The following CTNNA3 variants were observed in gnomAD, a reference collection of about 807,000 sequenced individuals.
CTNNA3 encodes catenin alpha 3, also known as catenin alpha-3.
A neutral mutation model predicts 95.7 loss-of-function variants in CTNNA3; 76 were observed. That is an observed-to-expected ratio of 0.79 (90% CI 0.66 to 0.96). The LOEUF (loss-of-function observed/expected upper bound fraction) is 0.96. CTNNA3 is among the 40% of genes least tolerant of loss of function. The probability of loss-of-function intolerance (pLI) is 0.00; values close to 1 mark genes in which losing one functional copy is unlikely to be tolerated. For missense variants in CTNNA3, 1,191 were observed against 1,089.8 expected (o/e 1.09, Z -1.31); for synonymous variants, 431 against 374.4 (o/e 1.15, Z -1.74).
At chr10:67,238,719 C>A (rs951480335) in intron 5 of CTNNA3, among the ~76,000 whole-genome samples, 1 of 149,798 alleles carries the variant, frequency 6.7e-6, no homozygotes. Flanking sequence ...TGTTAATGGG[C>A]TTCTTTACTT....
rs144548970 is a variant in CTNNA3 at position 66,381,678 on chromosome 10, G to C, written c.1532-2326C>G. ...TTAGATAAATTTAACCCATATTAAGGACATTTAAAGTCACTTATATTAAAA... is the reference window on the plus strand; with the variant it reads ...TTAGATAAATTTAACCCATATTAAGCACATTTAAAGTCACTTATATTAAAA... On this transcript the variant is annotated intron_variant, in intron 11 of 17. Transcript: ENST00000433211. Among the ~76,000 whole-genome samples, 174 of 152,134 alleles carry C rather than the reference G, an allele frequency of 1.1e-3. 1 individual carries two copies. The East Asian group carries it at 0.021, about 18-fold the overall frequency.
intron 10 of CTNNA3, among the ~76,000 whole-genome samples, chr10:66,585,375 C>T (rs1843327163): frequency 6.6e-6 from 1 of 151,756 alleles, no homozygotes; most frequent in South Asian, 2.1e-4. Flanking sequence ...TGAGACTTTC[C>T]TTCTTCTTTT....
At position 66,937,140 on chromosome 10, in the gene CTNNA3, T is replaced by G. The variant is rs535268403; in HGVS notation, c.1048-161616A>C. ...TACAAAGTCTTTCTCCTTAAATTTT[T>G]TTCATGGAGAGACAACTTTGTATAC... On this transcript the variant is annotated intron_variant, in intron 7 of 17. Coordinates refer to ENST00000433211, the MANE Select transcript of CTNNA3 (RefSeq NM_013266.4). 2.0e-5 allele frequency among the ~76,000 whole-genome samples: 3 copies of G among 152,262 alleles called. No homozygotes were observed. In the South Asian group the frequency reaches 6.2e-4, roughly 32 times the overall value.
At chr10:67,258,590 G>A (rs1866455805) in intron 5 of CTNNA3, among the ~76,000 whole-genome samples, 1 of 152,028 alleles carries the variant, frequency 6.6e-6, no homozygotes, top group Non-Finnish European at 1.5e-5. Context: ...ATTGTAGTAA[G>A]AACACAAAAT....
intron 10 of CTNNA3, among the ~76,000 whole-genome samples, chr10:66,529,444 T>G (rs866350227): frequency 2.1e-5 from 2 of 96,716 alleles, no homozygotes; most frequent in Middle Eastern, 4.7e-3. Flanking sequence ...ACAGTGTTTT[T>G]TTTTTGTTTT....
At chr10:66,867,083 G>A (rs182429936) in intron 7 of CTNNA3, among the ~76,000 whole-genome samples, 58 of 152,048 alleles carry the variant, frequency 3.8e-4, no homozygotes, top group African/African-American at 1.3e-3. Flanking sequence ...TGATTGTGAA[G>A]CCTCCCTGGC....
At chr10:66,423,420 C>T (rs574646346) in intron 11 of CTNNA3, among the ~76,000 whole-genome samples, 4 of 152,298 alleles carry the variant, frequency 2.6e-5, no homozygotes, top group East Asian at 1.9e-4. Context: ...AGGAGCATCA[C>T]TGTCTTGGAC....
chr10:67,468,055 A>C (rs1290703742), intron 5 of CTNNA3, among the ~76,000 whole-genome samples: 1 of 151,292 alleles, frequency 6.6e-6, no homozygotes, highest in Non-Finnish European at 1.5e-5. Flanking sequence ...TCAGAGGTAC[A>C]CACGTGGGTT....
At chr10:67,193,408 T>C (rs1177140454) in intron 6 of CTNNA3, among the ~76,000 whole-genome samples, 1 of 152,026 alleles carries the variant, frequency 6.6e-6, no homozygotes, top group Non-Finnish European at 1.5e-5. Context: ...TAGGTAAACT[T>C]GTGTCATGAG....
chr10:65,968,019 G>T (rs956583849), intron 16 of CTNNA3, among the ~76,000 whole-genome samples: 1 of 152,120 alleles, frequency 6.6e-6, no homozygotes, highest in Non-Finnish European at 1.5e-5. Context: ...AAAGGATGTG[G>T]AAAAATGTTT....
At chr10:66,131,066 CAAAA>C (rs571726484) in intron 13 of CTNNA3, among the ~76,000 whole-genome samples, 1 of 113,788 alleles carries the variant, frequency 8.8e-6, no homozygotes. Context: ...AATTGCCTAC[CAAAA>C]AAAAAAAAAA....
intron 7 of CTNNA3, among the ~76,000 whole-genome samples, chr10:66,830,591 C>T (rs1842678297): frequency 7.0e-6 from 1 of 142,070 alleles, no homozygotes; most frequent in Non-Finnish European, 1.5e-5. Flanking sequence ...CCCCTCACAA[C>T]TACTAATTTC....
At chr10:66,725,262 C>T (rs1259531251) in intron 9 of CTNNA3, among the ~76,000 whole-genome samples, 1 of 152,054 alleles carries the variant, frequency 6.6e-6, no homozygotes, top group African/African-American at 2.4e-5. Flanking sequence ...CAACTGTAGG[C>T]TATTTTCTAT....
intron 3 of CTNNA3, among the ~76,000 whole-genome samples, chr10:67,548,026 G>C (rs138157783): frequency 2.6e-5 from 4 of 152,294 alleles, no homozygotes; most frequent in African/African-American, 9.6e-5. Flanking sequence ...CAAATCTCAT[G>C]TTGAAATGTA....
intron 1 of CTNNA3, among the ~76,000 whole-genome samples, chr10:67,726,659 A>T (rs1381674976): frequency 3.2e-3 from 1 of 308 alleles, no homozygotes; most frequent in East Asian, 0.17. Context: ...ATAATATATT[A>T]TATATTATAT....
At chr10:67,567,267 A>G (rs1841839720) in intron 3 of CTNNA3, among the ~76,000 whole-genome samples, 2 of 151,500 alleles carry the variant, frequency 1.3e-5, no homozygotes, top group African/African-American at 2.4e-5. Flanking sequence ...AAAAAAAAAA[A>G]GAATGAAATA....
intron 7 of CTNNA3, chr10:66,926,484 G>A (rs755225375): frequency 2.0e-5 from 27 of 1,380,446 alleles, no homozygotes; most frequent in Middle Eastern, 3.6e-4. Context: ...GGGTGTCAGC[G>A]AGCCCTGACT....
intron 12 of CTNNA3, among the ~76,000 whole-genome samples, chr10:66,377,851 AT>A (rs1280840193): frequency 9.9e-5 from 15 of 152,162 alleles, no homozygotes; most frequent in Non-Finnish European, 2.1e-4. Flanking sequence ...GCCATAACTT[AT>A]TGAAAAAGTA....
At position 65,988,777 on chromosome 10, in the gene CTNNA3, T is replaced by C. The variant is rs1345330716; in HGVS notation, c.2180A>G (p.His727Arg). The C allele has an allele frequency of 6.2e-6, 10 of 1,613,712 alleles. No homozygotes were observed. Among genetic ancestry groups the C allele is most frequent in the Non-Finnish European group, 8.5e-6 (10 of 1,179,776 alleles). Residue 727 changes from histidine to arginine, a missense_variant, in exon 16 of 18, where the codon CAT becomes CGT. Physicochemically the swap from His to Arg is conservative, Grantham distance 29. Coordinates refer to ENST00000433211, the MANE Select transcript of CTNNA3 (RefSeq NM_013266.4). ...CGCTGCATAGATCACATCAGTTGTATGCTTTAGTGGTCCTTTGCCCCTGGA... is the reference window on the plus strand; with the variant it reads ...CGCTGCATAGATCACATCAGTTGTACGCTTTAGTGGTCCTTTGCCCCTGGA... ...DFTRGKGPLK[H>R]TTDVIYAAKM... is the part of the protein sequence containing the mutation.
Sources: gnomAD v4.1 joint callset for allele counts (sites outside exome capture counted in the v4.1 genomes callset) on GRCh38, gnomAD v4.1.1 for gene constraint, MANE v1.5 for transcripts, NCBI Gene and HGNC (gene_info 2026-07-23, HGNC 2026-07-21) for gene names.